The following SLC60A1 variants were observed in gnomAD, a reference collection of about 807,000 sequenced individuals.
SLC60A1 encodes major facilitator superfamily domain containing 4.
the SLC60A1 span, among the ~76,000 whole-genome samples, chr1:205,596,753 C>G: frequency 6.6e-6 from 1 of 151,980 alleles, no homozygotes; most frequent in Non-Finnish European, 1.5e-5. Context: ...AGTCCTTGGC[C>G]TTCATCCTGA....
chr1:205,600,458 G>A, the SLC60A1 span: 5 of 1,613,922 alleles, frequency 3.1e-6, no homozygotes, highest in East Asian at 1.1e-4. Flanking sequence ...GCTACCAGAG[G>A]TAAAACTGGG....
chr1:205,588,098 C>G, the SLC60A1 span, among the ~76,000 whole-genome samples: 1 of 152,136 alleles, frequency 6.6e-6, no homozygotes, highest in Non-Finnish European at 1.5e-5. Flanking sequence ...TTACATCATC[C>G]AGCAAGCTCA....
chr1:205,596,286 T>G, the SLC60A1 span, among the ~76,000 whole-genome samples: 1 of 151,874 alleles, frequency 6.6e-6, no homozygotes, highest in Non-Finnish European at 1.5e-5. Flanking sequence ...GACAGTGTGG[T>G]GAGAGCAGGT....
At chr1:205,602,085 G>A in the SLC60A1 span, 11 of 152,262 alleles carry the variant, frequency 7.2e-5, no homozygotes, top group South Asian at 2.3e-3. Context: ...GCTTAGACAG[G>A]GATCAGTCCT....
At chr1:205,596,226 C>T in the SLC60A1 span, among the ~76,000 whole-genome samples, 115 of 152,294 alleles carry the variant, frequency 7.6e-4, no homozygotes, top group African/African-American at 2.5e-3. Context: ...CAAGGCATGG[C>T]CATCCTCTCC....
chr1:205,600,525 T>A, the SLC60A1 span: 1 of 1,555,572 alleles, frequency 6.4e-7, no homozygotes, highest in Non-Finnish European at 8.9e-7. Flanking sequence ...CCATACTGTT[T>A]CAGAAAGCTG....
the SLC60A1 span, among the ~76,000 whole-genome samples, chr1:205,587,130 A>G: frequency 6.6e-6 from 1 of 152,210 alleles, no homozygotes; most frequent in Non-Finnish European, 1.5e-5. Flanking sequence ...GTCACCATCC[A>G]TGACACAGGG....
At chr1:205,579,679 C>G in the SLC60A1 span, 1 of 1,552,960 alleles carries the variant, frequency 6.4e-7, no homozygotes, top group African/African-American at 1.4e-5. Context: ...CCCAGACCAC[C>G]CAGTGAATGG....
At chr1:205,573,153 A>G in the SLC60A1 span, among the ~76,000 whole-genome samples, 9 of 152,092 alleles carry the variant, frequency 5.9e-5, no homozygotes, top group African/African-American at 1.9e-4. Context: ...GCTCACTCCT[A>G]TGATCCCAGC....
the SLC60A1 span, among the ~76,000 whole-genome samples, chr1:205,574,725 G>A: frequency 6.6e-6 from 1 of 152,148 alleles, no homozygotes; most frequent in Non-Finnish European, 1.5e-5. Flanking sequence ...CGACAGGAGA[G>A]AGCCAGGCGT....
chr1:205,572,280 C>T, the SLC60A1 span, among the ~76,000 whole-genome samples: 6,861 of 152,016 alleles, frequency 0.045, 254 homozygotes, highest in South Asian at 0.16. Flanking sequence ...TCTGTCTAAC[C>T]GCCCTAGGGA....
chr1:205,576,516 G>A, the SLC60A1 span, among the ~76,000 whole-genome samples: 1 of 152,214 alleles, frequency 6.6e-6, no homozygotes, highest in Admixed American at 6.5e-5. Context: ...TCTGGGAAGT[G>A]GCCAAGGTGG....
chr1:205,571,994 T>C, the SLC60A1 span, among the ~76,000 whole-genome samples: 2 of 152,160 alleles, frequency 1.3e-5, no homozygotes, highest in Non-Finnish European at 2.9e-5. Context: ...TGCCTACTGC[T>C]GGGCCCAGAC....
At chr1:205,593,508 T>C in the SLC60A1 span, among the ~76,000 whole-genome samples, 1 of 149,944 alleles carries the variant, frequency 6.7e-6, no homozygotes, top group Non-Finnish European at 1.5e-5. Context: ...GTGGGGGAAG[T>C]TGGTGTACAG....
the SLC60A1 span, among the ~76,000 whole-genome samples, chr1:205,582,731 C>T: frequency 3.9e-5 from 6 of 152,372 alleles, no homozygotes; most frequent in African/African-American, 1.4e-4. Flanking sequence ...TCTCCCCACT[C>T]AGGCCTGACT....
the SLC60A1 span, chr1:205,586,007 G>C: frequency 1.3e-6 from 2 of 1,558,046 alleles, no homozygotes; most frequent in Admixed American, 4.0e-5. Context: ...CTGCAGGTGT[G>C]CTCAACAGCG....
chr1:205,576,772 A>G, the SLC60A1 span, among the ~76,000 whole-genome samples: 1 of 152,192 alleles, frequency 6.6e-6, no homozygotes, highest in African/African-American at 2.4e-5. Context: ...ATGCCCAGGC[A>G]CAGCCCTATG....
the SLC60A1 span, chr1:205,602,466 TGA>T: frequency 6.6e-6 from 1 of 152,658 alleles, no homozygotes; most frequent in Non-Finnish European, 1.5e-5. Context: ...AAAGGAATTC[TGA>T]AAAAAGTAAG....
At chr1:205,602,117 T>C in the SLC60A1 span, 6 of 152,200 alleles carry the variant, frequency 3.9e-5, no homozygotes, top group African/African-American at 1.4e-4. Flanking sequence ...CAGTAGCAAA[T>C]GGCTATTAGA....
Sources: allele counts gnomAD v4.1 joint callset (sites outside exome capture counted in the v4.1 genomes callset), GRCh38; gene constraint gnomAD v4.1.1; transcripts MANE v1.5; gene names NCBI Gene and HGNC (gene_info 2026-07-23, HGNC 2026-07-21).